The following ABLIM1 variants were observed in gnomAD, a reference collection of about 807,000 sequenced individuals.
ABLIM1 encodes actin-binding LIM protein 1.
ABLIM1 carries 40 observed loss-of-function variants against 107.0 expected under a neutral mutation model. That is an observed-to-expected ratio of 0.37 (90% CI 0.29 to 0.49). The LOEUF is 0.49. Among genes scored for constraint, ABLIM1 ranks in the 20% least tolerant of loss-of-function variants. The pLI is 0.97. For missense variants in ABLIM1, 857 were observed against 1,008.5 expected (o/e 0.85, Z 2.04); for synonymous variants, 357 against 357.3 (o/e 1.00, Z 0.01).
At position 114,641,247 on chromosome 10, in the gene ABLIM1, T is replaced by TAAAA. The variant is rs35168530; in HGVS notation, c.244+16706_244+16709dup. Among the ~76,000 whole-genome samples the TAAAA allele has an allele frequency of 6.8e-3, 253 of 37,082 alleles. 20 individuals carry two copies. The highest frequency in any genetic ancestry group is 9.6e-3 in the Non-Finnish European group (172 of 18,002). The allele number at this position is 37,082 out of a possible 152,430, so 24.3% of individuals were successfully genotyped here. On this transcript the variant is annotated intron_variant, in intron 1 of 22. Transcript: ENST00000533213. ...GAGAAAGTCACTGTGAAGCCAATCA[T>TAAAA]AAAAAAAAAAAAAAAAAAAAAAAAA...
intron 4 of ABLIM1, 75 bp from the exon 5 acceptor site, chr10:114,547,851 C>G (rs2067553531): frequency 1.3e-6 from 2 of 1,550,692 alleles, no homozygotes; most frequent in African/African-American, 1.4e-5. Context: ...AATTTCAACC[C>G]CACTGTGTGC....
intron 6 of ABLIM1, among the ~76,000 whole-genome samples, chr10:114,514,565 G>C (rs1420313888): frequency 2.0e-5 from 3 of 152,070 alleles, no homozygotes; most frequent in Non-Finnish European, 4.4e-5. Context: ...TTTTTGTAGA[G>C]ACAGGGTCTC....
intron 13 of ABLIM1, among the ~76,000 whole-genome samples, chr10:114,453,013 G>A (rs1203305704): frequency 6.6e-6 from 1 of 152,176 alleles, no homozygotes; most frequent in Non-Finnish European, 1.5e-5. Flanking sequence ...TTTAGGATGA[G>A]AAGATAACTA....
chr10:114,516,657 A>G (rs896531123), intron 6 of ABLIM1, among the ~76,000 whole-genome samples: 2 of 152,242 alleles, frequency 1.3e-5, no homozygotes, highest in African/African-American at 2.4e-5. Context: ...TTGCATTAAT[A>G]TAACTTTCTC....
chr10:114,520,042 A>G (rs1478837707), intron 6 of ABLIM1, among the ~76,000 whole-genome samples: 2 of 152,232 alleles, frequency 1.3e-5, no homozygotes, highest in African/African-American at 2.4e-5. Flanking sequence ...AAGGGACTCC[A>G]TCCCTAGAGG....
intron 1 of ABLIM1, among the ~76,000 whole-genome samples, chr10:114,669,262 A>G (rs1405734650): frequency 2.6e-5 from 4 of 152,234 alleles, no homozygotes; most frequent in Non-Finnish European, 5.9e-5. Context: ...GTAACACAGC[A>G]TAATGCTATT....
chr10:114,446,624 T>TGG (rs2061061360), intron 15 of ABLIM1, among the ~76,000 whole-genome samples: 1 of 151,328 alleles, frequency 6.6e-6, no homozygotes, highest in African/African-American at 2.5e-5. Flanking sequence ...TTTTGGAATC[T>TGG]AAAAGAGCTT....
In ABLIM1 at chr10:114,690,210, C is replaced by T. The variant is rs61734691; in HGVS notation, c.-213+77851G>A. Reference sequence around the variant, plus strand: ...GGTCTTTCCATTCCTGGACCCAAAGCGCCCCGTGGCCTCCACAATATTTAT... The same window carrying T: ...GGTCTTTCCATTCCTGGACCCAAAGTGCCCCGTGGCCTCCACAATATTTAT... On this transcript the variant is annotated intron_variant, in intron 1 of 15. Coordinates refer to the ABLIM1 transcript ENST00000651092. 1.4e-3 allele frequency: 2,043 copies of T among 1,423,444 alleles called. 34 individuals are homozygous for T. In the African/African-American group the frequency reaches 0.026, roughly 18 times the overall value. 88.2% of individuals were successfully genotyped at this position (1,423,444 alleles called of 1,614,324 possible).
At chr10:114,615,945 T>G (rs1039577869) in intron 1 of ABLIM1, among the ~76,000 whole-genome samples, 5 of 152,194 alleles carry the variant, frequency 3.3e-5, no homozygotes, top group African/African-American at 4.8e-5. Context: ...GGGAGGAGTT[T>G]GGGTGGCCCC....
At chr10:114,440,450 C>CT (rs76464426) in intron 19 of ABLIM1, among the ~76,000 whole-genome samples, 66 of 146,466 alleles carry the variant, frequency 4.5e-4, no homozygotes, top group South Asian at 2.4e-3. Flanking sequence ...CCTCCAGTTA[C>CT]TTTTTTTTTT....
At chr10:114,527,924 G>A (rs377608734) in intron 6 of ABLIM1, among the ~76,000 whole-genome samples, 2 of 148,898 alleles carry the variant, frequency 1.3e-5, no homozygotes, top group Admixed American at 6.8e-5. Context: ...TGTAACCTCC[G>A]CCTCCCAGTT....
intron 1 of ABLIM1, among the ~76,000 whole-genome samples, chr10:114,705,940 T>C (rs1460945409): frequency 4.6e-5 from 7 of 152,138 alleles, no homozygotes; most frequent in Admixed American, 2.0e-4. Flanking sequence ...CCAAGACAAA[T>C]AGGCAACAGA....
chr10:114,467,299 C>G (rs944534216), intron 11 of ABLIM1, among the ~76,000 whole-genome samples: 1 of 152,134 alleles, frequency 6.6e-6, no homozygotes, highest in African/African-American at 2.4e-5. Context: ...ATAAAACTGT[C>G]TAAAGAGTTG....
intron 1 of ABLIM1, among the ~76,000 whole-genome samples, chr10:114,761,298 T>C (rs1443506049): frequency 6.6e-6 from 1 of 150,690 alleles, no homozygotes; most frequent in Admixed American, 6.6e-5. Flanking sequence ...CTGATTCCTA[T>C]TGTCCCTCCG....
intron 1 of ABLIM1, among the ~76,000 whole-genome samples, chr10:114,676,545 G>A (rs2141478713): frequency 6.6e-6 from 1 of 152,062 alleles, no homozygotes; most frequent in Admixed American, 6.5e-5. Flanking sequence ...CCATGAGACT[G>A]GATTTATACG....
Position 114,545,009 on chromosome 10 carries a change from A to G in ABLIM1, c.890T>C (p.Leu297Pro), listed in dbSNP as rs777089870. Residue 297 changes from leucine (L) to proline (P), a missense_variant, in exon 6 of 23, where the codon CTG (leucine) becomes CCG (proline). Physicochemically the swap from Leu to Pro is moderately conservative, Grantham distance 98. Around this residue, in one of 5 missense-constraint regions of ABLIM1, gnomAD observed 381 missense variants for 506.9 expected, o/e 0.75. Transcript: ENST00000533213. ...GGGAGCCGGTCTGCCACTTACCTCC[A>G]GGACTTTCCCTGTGATAAACTGGTG... ...ACHQFITGKV[L>P]EAGDKHYHPS... The G allele has an allele frequency of 2.5e-6, 4 of 1,614,136 alleles. No individual in the cohort carries two copies. The Admixed American group carries it at 5.0e-5, about 20-fold the overall frequency.
chr10:114,458,447 G>A (rs942461789), intron 12 of ABLIM1, among the ~76,000 whole-genome samples: 9 of 152,224 alleles, frequency 5.9e-5, no homozygotes, highest in Admixed American at 1.3e-4. Flanking sequence ...TAAGACAAGC[G>A]AATAGAGATG....
chr10:114,544,789 T>A (rs928277807), intron 6 of ABLIM1, among the ~76,000 whole-genome samples: 2 of 152,184 alleles, frequency 1.3e-5, no homozygotes, highest in Non-Finnish European at 2.9e-5. Flanking sequence ...TCATTCTTTT[T>A]TTTTTCCTGT....
chr10:114,663,902 C>T (rs1025959404), intron 1 of ABLIM1, among the ~76,000 whole-genome samples: 2 of 152,186 alleles, frequency 1.3e-5, no homozygotes, highest in Non-Finnish European at 1.5e-5. Flanking sequence ...GGTTCCCCAC[C>T]GTGGCTCTCC....
Sources: allele counts gnomAD v4.1 joint callset (sites outside exome capture counted in the v4.1 genomes callset), GRCh38; gene constraint gnomAD v4.1.1; regional missense constraint gnomAD v4.1.1; transcripts MANE v1.5; gene names NCBI Gene and HGNC (gene_info 2026-07-23, HGNC 2026-07-21).